Variants in DMD observed in about 807,000 individuals in gnomAD.
DMD encodes mutant dystrophin.
DMD carries 63 observed loss-of-function variants against 330.1 expected under a neutral mutation model. The ratio of observed to expected loss-of-function variants is 0.19; its 90% CI spans 0.16 to 0.24. The LOEUF is 0.24. Among genes scored for constraint, DMD ranks in the 10% least tolerant of loss-of-function variants. The pLI is 1.00. For synonymous variants in DMD, 1,223 were observed against 959.8 expected, an observed-to-expected ratio of 1.27 and a Z score of -5.07; for missense variants, 3,344 against 2,684.1, an observed-to-expected ratio of 1.25 and a Z score of -5.43.
At chrX:32,053,954 A>AG (rs1380861792) in intron 44 of DMD, among the ~76,000 whole-genome samples, 2 of 109,981 alleles carry the variant, frequency 1.8e-5, no homozygotes, top group Admixed American at 9.8e-5. Context: ...CCTAAATCAA[A>AG]GGGGGGAATT....
At chrX:32,016,739 G>A (rs983478052) in intron 44 of DMD, among the ~76,000 whole-genome samples, 16 of 112,556 alleles carry the variant, frequency 1.4e-4, no homozygotes, top group South Asian at 3.6e-4. Context: ...TAAGCACCAT[G>A]AGAATCTATT....
chrX:32,435,928 C>G (rs1330073997), intron 29 of DMD, among the ~76,000 whole-genome samples: 2 of 112,114 alleles, frequency 1.8e-5, no homozygotes, highest in East Asian at 5.6e-4. Context: ...GTAGCATCCA[C>G]TACAGGTAGT....
chrX:33,245,689 T>C (rs1334024550), intron 1 of DMD, among the ~76,000 whole-genome samples: 1 of 112,276 alleles, frequency 8.9e-6, no homozygotes, highest in African/African-American at 3.2e-5. Flanking sequence ...TACTTCTAAA[T>C]AGTCAGTAGA....
At chrX:32,205,010 T>TACACACACACACACACACACAC (rs57507348) in intron 44 of DMD, among the ~76,000 whole-genome samples, 1 of 53,071 alleles carries the variant, frequency 1.9e-5, no homozygotes. Flanking sequence ...CTCTCTCACA[T>TACACACACACACACACACACAC]ACACACACAC....
At chrX:32,914,806 T>G (rs73219747) in intron 2 of DMD, among the ~76,000 whole-genome samples, 5,759 of 112,321 alleles carry the variant, frequency 0.051, 128 homozygotes, top group African/African-American at 0.087. Context: ...TAATAACATT[T>G]AAATATAAAA....
intron 2 of DMD, among the ~76,000 whole-genome samples, chrX:32,889,710 T>C (rs765451565): frequency 0.014 from 1,588 of 110,771 alleles, 22 homozygotes; most frequent in African/African-American, 0.05. Context: ...CACCCCCTGC[T>C]CGCAAAACAT....
intron 78 of DMD, among the ~76,000 whole-genome samples, chrX:31,125,705 G>A (rs1363300297): frequency 8.9e-6 from 1 of 111,891 alleles, no homozygotes; most frequent in African/African-American, 3.2e-5. Context: ...ATTCCTGGTG[G>A]AATAGGAGTA....
chrX:31,542,327 C>A (rs907687879), intron 55 of DMD, among the ~76,000 whole-genome samples: 1 of 111,817 alleles, frequency 8.9e-6, no homozygotes, highest in African/African-American at 3.3e-5. Flanking sequence ...GACGGAATGG[C>A]ATGTACGATA....
chrX:32,480,727 G>A (rs1028474885), intron 21 of DMD, among the ~76,000 whole-genome samples: 12 of 110,082 alleles, frequency 1.1e-4, no homozygotes, highest in Middle Eastern at 4.8e-3. Context: ...GGCATTTAGC[G>A]AGTTTTCCCA....
intron 16 of DMD, among the ~76,000 whole-genome samples, chrX:32,552,768 C>A (rs1271983769): frequency 9.0e-6 from 1 of 111,101 alleles, no homozygotes; most frequent in Non-Finnish European, 1.9e-5. Context: ...GGACATGAAC[C>A]CTTTCCAGAA....
chrX:32,326,563 T>C (rs749420955), intron 41 of DMD, among the ~76,000 whole-genome samples: 4 of 112,553 alleles, frequency 3.6e-5, no homozygotes, highest in Non-Finnish European at 7.5e-5. Context: ...GAAGCTAATA[T>C]GCCATATGGC....
At chrX:31,316,243 G>A (rs1405601614) in intron 62 of DMD, among the ~76,000 whole-genome samples, 1 of 112,107 alleles carries the variant, frequency 8.9e-6, no homozygotes, top group South Asian at 3.7e-4. Flanking sequence ...CATGAGAGAT[G>A]GATTTGAGTG....
chrX:31,189,539 G>C (rs1265727659), intron 67 of DMD, among the ~76,000 whole-genome samples: 2 of 111,718 alleles, frequency 1.8e-5, no homozygotes, highest in African/African-American at 6.5e-5. Context: ...ACTCTATATA[G>C]AGAAGTAAAC....
At chrX:32,725,920 T>G (rs2066831083) in intron 7 of DMD, among the ~76,000 whole-genome samples, 1 of 111,123 alleles carries the variant, frequency 9.0e-6, no homozygotes, top group Admixed American at 9.6e-5. Flanking sequence ...CATGCCTTTA[T>G]CAAAGTATCT....
At chrX:32,538,714 G>A (rs1171439147) in intron 17 of DMD, among the ~76,000 whole-genome samples, 1 of 111,191 alleles carries the variant, frequency 9.0e-6, no homozygotes, top group Non-Finnish European at 1.9e-5. Flanking sequence ...GAATCACGTG[G>A]GACCTTGTTA....
intron 11 of DMD, among the ~76,000 whole-genome samples, chrX:32,618,554 A>T (rs1358282742): frequency 1.8e-5 from 2 of 111,082 alleles, no homozygotes; most frequent in African/African-American, 6.5e-5. Flanking sequence ...AAAAATAACT[A>T]ATGAGTACTA....
chrX:32,973,717 CT>C (rs2092458424), intron 2 of DMD, among the ~76,000 whole-genome samples: 1 of 111,896 alleles, frequency 8.9e-6, no homozygotes, highest in South Asian at 3.7e-4. Context: ...GAATTTATTA[CT>C]CACAGCATCC....
chrX:31,562,382 A>C (rs2075246033), intron 55 of DMD, among the ~76,000 whole-genome samples: 1 of 112,276 alleles, frequency 8.9e-6, no homozygotes, highest in Non-Finnish European at 1.9e-5. Flanking sequence ...TTTGTAGATC[A>C]TACCACATTT....
chrX:32,921,238 ACCACCTAG>A (rs2146570269), intron 2 of DMD, among the ~76,000 whole-genome samples: 1 of 112,219 alleles, frequency 8.9e-6, no homozygotes, highest in South Asian at 3.7e-4. Flanking sequence ...TGTTTCTGAT[ACCACCTAG>A]AGACTGGTTC....
Sources: allele counts gnomAD v4.1 joint callset (sites outside exome capture counted in the v4.1 genomes callset), GRCh38; gene constraint gnomAD v4.1.1; transcripts MANE v1.5; gene names NCBI Gene and HGNC (gene_info 2026-07-23, HGNC 2026-07-21).